UNC79: variants seen among roughly 807,000 people sequenced by gnomAD.
UNC79 encodes unc-79 subunit of NALCN channel complex.
UNC79 carries 37 observed loss-of-function variants against 283.1 expected under a neutral mutation model. The ratio of observed to expected loss-of-function variants is 0.13; its 90% CI spans 0.10 to 0.17. The LOEUF is 0.17. Ranked by LOEUF, UNC79 falls within the 10% of genes least tolerant of loss-of-function variation. The probability of loss-of-function intolerance (pLI) is 1.00; values close to 1 mark genes in which losing one functional copy is unlikely to be tolerated. For synonymous variants in UNC79, 1,107 were observed against 1,200.2 expected, an observed-to-expected ratio of 0.92 and a Z score of 1.61; for missense variants, 2,272 against 3,211.1, an observed-to-expected ratio of 0.71 and a Z score of 7.07.
At chr14:93,442,559 T>C (rs2056337086) in intron 1 of UNC79, among the ~76,000 whole-genome samples, 1 of 152,244 alleles carries the variant, frequency 6.6e-6, no homozygotes, top group African/African-American at 2.4e-5. Flanking sequence ...TTGAATATTA[T>C]CTTATTTTGC....
At chr14:93,692,750 G>GCC (rs912354623) in intron 46 of UNC79, among the ~76,000 whole-genome samples, 7 of 152,204 alleles carry the variant, frequency 4.6e-5, no homozygotes, top group African/African-American at 1.7e-4. Flanking sequence ...GCTAGCCTAA[G>GCC]CCCACTTCAT....
chr14:93,624,312 G>T (rs2067376534), intron 30 of UNC79, among the ~76,000 whole-genome samples: 2 of 151,974 alleles, frequency 1.3e-5, no homozygotes, highest in African/African-American at 4.8e-5. Context: ...GCCAGGCAGG[G>T]AAAAAACGGT....
intron 1 of UNC79, among the ~76,000 whole-genome samples, chr14:93,404,859 A>G (rs2055195220): frequency 6.6e-6 from 1 of 152,042 alleles, no homozygotes; most frequent in African/African-American, 2.4e-5. Flanking sequence ...ATGGAAAATT[A>G]TTATATACGA....
At chr14:93,510,623 C>G (rs2059773477) in intron 7 of UNC79, among the ~76,000 whole-genome samples, 1 of 152,220 alleles carries the variant, frequency 6.6e-6, no homozygotes, top group Non-Finnish European at 1.5e-5. Flanking sequence ...CTGCCATTCT[C>G]TTTGTTGAAG....
At chr14:93,464,668 A>G (rs1185962316) in intron 1 of UNC79, 1 of 448,908 alleles carries the variant, frequency 2.2e-6, no homozygotes, top group Non-Finnish European at 4.5e-6. Context: ...TGAAGAGTGT[A>G]GAAGAAGGAG....
At chr14:93,399,314 T>C (rs2055060560) in intron 1 of UNC79, among the ~76,000 whole-genome samples, 1 of 152,086 alleles carries the variant, frequency 6.6e-6, no homozygotes, top group Non-Finnish European at 1.5e-5. Flanking sequence ...GGGAACTCAT[T>C]TTGGTCACAT....
At chr14:93,371,710 G>A (rs576508755) in intron 1 of UNC79, among the ~76,000 whole-genome samples, 103 of 149,926 alleles carry the variant, frequency 6.9e-4, no homozygotes, top group African/African-American at 2.4e-3. Context: ...GCGTGGTGGC[G>A]GGCGCCTGTG....
chr14:93,551,174 C>T (rs568743241), intron 14 of UNC79, among the ~76,000 whole-genome samples: 152 of 152,256 alleles, frequency 1.0e-3, no homozygotes, highest in Non-Finnish European at 1.6e-3. Flanking sequence ...CTCAACCTCC[C>T]GAGTAGCTGG....
rs551457507 is a variant in UNC79, at chr14:93,570,689, A to T, written c.1756-1205A>T. Among the ~76,000 whole-genome samples the T allele has an allele frequency of 3.5e-4, 53 of 152,152 alleles. 2 individuals are homozygous for T. In the South Asian group the frequency reaches 0.011, roughly 32 times the overall value. ...CTTTTTGTGTCCTTCTTTCCATTTC[A>T]TCCTCCCCTATGGGTAATTAGGACA... On this transcript the variant is annotated intron_variant, in intron 14 of 48. Transcript: ENST00000555664.
chr14:93,592,463 T>C (rs545221797), intron 22 of UNC79, among the ~76,000 whole-genome samples: 9 of 152,300 alleles, frequency 5.9e-5, no homozygotes, highest in Admixed American at 4.6e-4. Flanking sequence ...CGTGAGCCAC[T>C]GCGCCTGGCC....
chr14:93,542,985 CTA>C (rs1285366551), intron 14 of UNC79, among the ~76,000 whole-genome samples: 1 of 146,684 alleles, frequency 6.8e-6, no homozygotes, highest in Non-Finnish European at 1.5e-5. Context: ...TGGGATCTTG[CTA>C]TGTCGCCCAG....
intron 35 of UNC79, among the ~76,000 whole-genome samples, chr14:93,653,002 A>G (rs2070458726): frequency 6.6e-6 from 1 of 152,222 alleles, no homozygotes; most frequent in Non-Finnish European, 1.5e-5. Flanking sequence ...ATTTCAGGGT[A>G]GATGTGGCAC....
At chr14:93,542,004 CAAAAAAA>C (rs745650977) in intron 13 of UNC79, among the ~76,000 whole-genome samples, 16 of 59,900 alleles carry the variant, frequency 2.7e-4, no homozygotes, top group Admixed American at 2.5e-3. Context: ...GACTCCATCT[CAAAAAAA>C]AAAAAAAAAA....
At chr14:93,519,227 A>T (rs1205462266) in intron 7 of UNC79, among the ~76,000 whole-genome samples, 2 of 151,822 alleles carry the variant, frequency 1.3e-5, no homozygotes, top group Admixed American at 1.3e-4. Context: ...CCCTTTCATC[A>T]TTGTAAAATT....
At chr14:93,581,741 C>G (rs1201438957) in intron 19 of UNC79, among the ~76,000 whole-genome samples, 1 of 152,100 alleles carries the variant, frequency 6.6e-6, no homozygotes. Flanking sequence ...ATCCGCCCAC[C>G]TCGGCCTCCC....
chr14:93,600,586 T>C (rs1240430161), exon 25 of UNC79: 1 of 1,612,906 alleles, frequency 6.2e-7, no homozygotes, highest in African/African-American at 1.3e-5. Flanking sequence ...GTCTTTGTCT[T>C]GACTTCCAGT....
intron 7 of UNC79, among the ~76,000 whole-genome samples, chr14:93,497,607 T>G (rs1166423311): frequency 6.6e-6 from 1 of 152,188 alleles, no homozygotes; most frequent in Non-Finnish European, 1.5e-5. Context: ...TGCTCATCAT[T>G]TAGCAGAAAC....
chr14:93,548,173 T>C (rs1567091684), intron 14 of UNC79, among the ~76,000 whole-genome samples: 1 of 152,140 alleles, frequency 6.6e-6, no homozygotes, highest in Non-Finnish European at 1.5e-5. Context: ...GGCTGGAAAG[T>C]CCCAGATCAA....
intron 14 of UNC79, among the ~76,000 whole-genome samples, chr14:93,562,288 G>A (rs1403979291): frequency 6.6e-6 from 1 of 152,188 alleles, no homozygotes; most frequent in Non-Finnish European, 1.5e-5. Context: ...CAGGTAGGGT[G>A]TCTTCATATG....
Sources: gnomAD v4.1 joint callset for allele counts (sites outside exome capture counted in the v4.1 genomes callset) on GRCh38, gnomAD v4.1.1 for gene constraint, MANE v1.5 for transcripts, NCBI Gene and HGNC (gene_info 2026-07-23, HGNC 2026-07-21) for gene names.